PRKAA1: variants seen among roughly 807,000 people sequenced by gnomAD.
PRKAA1 encodes protein kinase AMP-activated catalytic subunit alpha 1, also known as 5'-AMP-activated protein kinase catalytic subunit alpha-1.
Under a neutral mutation model 56.9 loss-of-function variants are expected in PRKAA1, and 23 were observed. That is an observed-to-expected ratio of 0.40 (90% CI 0.29 to 0.57). PRKAA1 has a LOEUF of 0.57. Among genes scored for constraint, PRKAA1 ranks in the 20% least tolerant of loss-of-function variants. The pLI, the probability that PRKAA1 is intolerant of heterozygous loss-of-function variation, is 0.39. For missense variants in PRKAA1, 413 were observed against 679.7 expected, an observed-to-expected ratio of 0.61 and a Z score of 4.36; for synonymous variants, 226 against 227.0, an observed-to-expected ratio of 1.00 and a Z score of 0.04.
chr5:40,798,212 GGGGC>G lies in PRKAA1; in HGVS notation c.-27_-24del. 1 of 701,486 alleles carries G rather than the reference GGGGC, an allele frequency of 1.4e-6. No homozygotes were observed. The highest frequency in any genetic ancestry group is 2.3e-6 in the Non-Finnish European group (1 of 429,406). 43.5% of individuals were successfully genotyped at this position (701,486 alleles called of 1,614,324 possible). On this transcript the variant is annotated 5_prime_UTR_variant, in exon 1 of 9. Coordinates refer to ENST00000397128, the MANE Select transcript of PRKAA1 (RefSeq NM_006251.6). Reference sequence around the variant, plus strand: ...CATGGCGCTGCGGGAGGGGGCGGAGGGGGCGGGCAGGGCCGCGCCGGGGGCGGGC... The same window carrying G: ...CATGGCGCTGCGGGAGGGGGCGGAGGGGGCAGGGCCGCGCCGGGGGCGGGC...
At chr5:40,790,525 C>CTCTTTTTT (rs546238399) in intron 1 of PRKAA1, among the ~76,000 whole-genome samples, 2 of 112,066 alleles carry the variant, frequency 1.8e-5, no homozygotes, top group African/African-American at 3.9e-5. Flanking sequence ...TCAACTCTTT[C>CTCTTTTTT]TTTTTTTTTT....
chr5:40,793,757 A>G (rs1361053900), intron 1 of PRKAA1, among the ~76,000 whole-genome samples: 2 of 152,012 alleles, frequency 1.3e-5, no homozygotes, highest in African/African-American at 2.4e-5. Flanking sequence ...AACAACATCC[A>G]TTTATGTGTA....
At chr5:40,795,008 T>TATACAC (rs750732309) in intron 1 of PRKAA1, among the ~76,000 whole-genome samples, 6 of 149,948 alleles carry the variant, frequency 4.0e-5, no homozygotes, top group African/African-American at 1.5e-4. Context: ...TACATATATA[T>TATACAC]ACACACACAC....
chr5:40,768,496 A>G (rs1253842116), intron 5 of PRKAA1: 1 of 938,542 alleles, frequency 1.1e-6, no homozygotes, highest in African/African-American at 1.8e-5. Context: ...ATTTTTTTAA[A>G]AATTTTTTAA....
chr5:40,777,049 G>A (rs1254199234), intron 2 of PRKAA1: 1 of 154,750 alleles, frequency 6.5e-6, no homozygotes, highest in Non-Finnish European at 1.4e-5. Flanking sequence ...TTTCGCTTTT[G>A]TTGCCCAAGC....
chr5:40,775,107 G>A, intron 3 of PRKAA1: 2 of 754,380 alleles, frequency 2.7e-6, no homozygotes. Context: ...GTATACCCTG[G>A]AAGCATAAGT....
chr5:40,773,888 G>C (rs2112024521), intron 3 of PRKAA1, among the ~76,000 whole-genome samples: 1 of 152,296 alleles, frequency 6.6e-6, no homozygotes, highest in Admixed American at 6.5e-5. Context: ...CAGGGATAAG[G>C]CATCCTAAGG....
chr5:40,785,679 G>A (rs928704492), intron 1 of PRKAA1, among the ~76,000 whole-genome samples: 1 of 152,132 alleles, frequency 6.6e-6, no homozygotes, highest in African/African-American at 2.4e-5. Flanking sequence ...CAAAATCTAT[G>A]TCAACCCAGA....
chr5:40,762,237 A>C lies in PRKAA1; in HGVS notation c.*541T>G, dbSNP rs1743225731. 6.4e-6 allele frequency: 1 copy of C among 155,292 alleles called. No homozygotes were observed. The highest frequency in any genetic ancestry group is 1.4e-5 in the Non-Finnish European group (1 of 70,150). 9.6% of individuals were successfully genotyped at this position (155,292 alleles called of 1,614,324 possible). A position where few individuals can be genotyped will look rare whatever the true frequency, so the allele number is the denominator to read the frequency against. The stretch of plus-strand genomic sequence containing the variant: ...CAGTGAGCCGAGACCACACCATTGC[A>C]CTCCAGCCTGGGTGACAAAGTGACA... On this transcript the variant is annotated 3_prime_UTR_variant, in exon 9 of 9. Coordinates refer to ENST00000397128, the MANE Select transcript of PRKAA1 (RefSeq NM_006251.6).
At chr5:40,771,913 TG>T in intron 3 of PRKAA1, 50 bp from the exon 4 acceptor site, 1 of 1,574,366 alleles carries the variant, frequency 6.4e-7, no homozygotes, top group East Asian at 2.2e-5. Flanking sequence ...CAAAGTAAAT[TG>T]TCCTATCTAT....
At chr5:40,772,037 T>C (rs1006081867) in intron 3 of PRKAA1, among the ~76,000 whole-genome samples, 174 bp from the exon 4 acceptor site, 1 of 152,228 alleles carries the variant, frequency 6.6e-6, no homozygotes, top group Non-Finnish European at 1.5e-5. Flanking sequence ...ACAGAAATGC[T>C]AAGATGGTCT....
At chr5:40,796,155 A>G (rs1436982836) in intron 1 of PRKAA1, among the ~76,000 whole-genome samples, 1 of 151,978 alleles carries the variant, frequency 6.6e-6, no homozygotes, top group Non-Finnish European at 1.5e-5. Context: ...CATCTCTACT[A>G]AAAATATGAA....
intron 5 of PRKAA1, 59 bp from the exon 6 acceptor site, chr5:40,767,749 CAA>C: frequency 7.3e-7 from 1 of 1,377,930 alleles, no homozygotes; most frequent in Non-Finnish European, 1.0e-6. Flanking sequence ...TTCAGTTCAT[CAA>C]AAACTTCAAA....
At position 40,796,339 on chromosome 5, in the gene PRKAA1, GA is replaced by G. The variant is rs908692600; in HGVS notation, c.127+1723del. Among the ~76,000 whole-genome samples the G allele has an allele frequency of 3.4e-5, 5 of 148,722 alleles. No homozygotes were observed. In the South Asian group the frequency reaches 6.4e-4, roughly 19 times the overall value. Reference sequence around the variant, plus strand: ...TCTCGGGAAAAGAAAAAAGAAAAAAGAAAAAAAAATAGACCTGACTTTATTC... The same window carrying G: ...TCTCGGGAAAAGAAAAAAGAAAAAAGAAAAAAAATAGACCTGACTTTATTC... On this transcript the variant is annotated intron_variant, in intron 1 of 8. Transcript: ENST00000397128.
chr5:40,786,064 G>A (rs1169390828), intron 1 of PRKAA1, among the ~76,000 whole-genome samples: 2 of 152,102 alleles, frequency 1.3e-5, no homozygotes, highest in Admixed American at 1.3e-4. Context: ...AGACCAGCCT[G>A]GCCAACATGG....
chr5:40,777,871 G>A (rs909642773), intron 1 of PRKAA1, among the ~76,000 whole-genome samples: 2 of 152,120 alleles, frequency 1.3e-5, no homozygotes, highest in South Asian at 2.1e-4. Context: ...TCAGGAGTTC[G>A]AGACCAGCCC....
chr5:40,763,135 C>A, intron 8 of PRKAA1, 113 bp from the exon 9 acceptor site: 1 of 1,005,878 alleles, frequency 9.9e-7, no homozygotes, highest in Non-Finnish European at 1.5e-6. Flanking sequence ...ATCAAGAGCA[C>A]GCTTATTCTA....
chr5:40,793,065 C>A (rs547403377), intron 1 of PRKAA1, among the ~76,000 whole-genome samples: 6 of 146,140 alleles, frequency 4.1e-5, no homozygotes, highest in Non-Finnish European at 9.0e-5. Context: ...GGAACTCCAT[C>A]TCAAAAAAAA....
Position 40,795,000 on chromosome 5 carries a change from C to CAT in PRKAA1, c.127+3061_127+3062dup, listed in dbSNP as rs370851915. ...ATGGATAAAGAAACTGTGGTGTATA[C>CAT]ATATATATACACACACACACACACA... On this transcript the variant is annotated intron_variant, in intron 1 of 8. Transcript: ENST00000397128. Among the ~76,000 whole-genome samples, 703 of 89,104 alleles carry CAT rather than the reference C, an allele frequency of 7.9e-3. 1 individual carries two copies. The highest frequency in any genetic ancestry group is 0.021 in the African/African-American group (555 of 26,292). 58.5% of individuals were successfully genotyped at this position (89,104 alleles called of 152,430 possible). A position where few individuals can be genotyped will look rare whatever the true frequency, so the allele number is the denominator to read the frequency against.
Sources: gnomAD v4.1 joint callset for allele counts (sites outside exome capture counted in the v4.1 genomes callset) on GRCh38, gnomAD v4.1.1 for gene constraint, MANE v1.5 for transcripts, NCBI Gene and HGNC (gene_info 2026-07-23, HGNC 2026-07-21) for gene names.